PCDHA2: variants seen among roughly 807,000 people sequenced by gnomAD.
The protein encoded by PCDHA2 is protocadherin alpha 2.
Under a neutral mutation model 66.0 loss-of-function variants are expected in PCDHA2, and 58 were observed. The observed-to-expected ratio is 0.88, with a 90% CI of 0.71 to 1.09. The LOEUF is 1.09. PCDHA2 is among the 50% of genes least tolerant of loss of function. PCDHA2 has a pLI of 0.00. For missense variants in PCDHA2, 1,267 were observed against 1,242.3 expected (o/e 1.02, Z -0.30); for synonymous variants, 634 against 554.0 (o/e 1.14, Z -2.03).
At chr5:140,870,578 C>A in intron 1 of PCDHA2, 1 of 1,613,882 alleles carries the variant, frequency 6.2e-7, no homozygotes. Flanking sequence ...GTGTCCTACT[C>A]GCTGGTGGAG....
chr5:140,900,817 A>G (rs2068314504), intron 1 of PCDHA2, among the ~76,000 whole-genome samples: 1 of 152,154 alleles, frequency 6.6e-6, no homozygotes, highest in Non-Finnish European at 1.5e-5. Context: ...ACTAATTTAC[A>G]TTCCCACCAA....
rs955217729 is a variant in PCDHA2 at position 140,843,931 on chromosome 5, A to T, written c.2388+46579A>T. The T allele has an allele frequency of 6.9e-6, 4 of 582,802 alleles. 1 individual carries two copies. Among genetic ancestry groups the T allele is most frequent in the Non-Finnish European group, 1.2e-5 (4 of 332,650 alleles). The allele number at this position is 582,802 out of a possible 1,614,324, so 36.1% of individuals were successfully genotyped here. Reference sequence around the variant, plus strand: ...TTGGGTCTATCTTGAAACTCAAGTTATGGTTGGATGATATCCATTTTTTAC... The same window carrying T: ...TTGGGTCTATCTTGAAACTCAAGTTTTGGTTGGATGATATCCATTTTTTAC... On this transcript the variant is annotated intron_variant, in intron 1 of 3. Coordinates refer to ENST00000526136, the MANE Select transcript of PCDHA2 (RefSeq NM_018905.3).
intron 1 of PCDHA2, chr5:140,860,787 G>A (rs1038488180): frequency 5.9e-5 from 9 of 152,154 alleles, no homozygotes; most frequent in African/African-American, 2.2e-4. Flanking sequence ...GCCCAGGCTG[G>A]AGTGCAGTGG....
intron 1 of PCDHA2, chr5:140,882,264 G>C: frequency 6.2e-7 from 1 of 1,609,300 alleles, no homozygotes; most frequent in Non-Finnish European, 8.5e-7. Context: ...TTTTTGGAGT[G>C]TACCATGCTG....
rs782344407 is a variant in PCDHA2 at position 140,928,808 on chromosome 5, G to T, written c.2389-50141G>T. 3.7e-6 allele frequency: 6 copies of T among 1,614,062 alleles called. No homozygotes were observed. In the Admixed American group the frequency reaches 1.0e-4, roughly 27 times the overall value. The stretch of plus-strand genomic sequence containing the variant: ...AAGCAGAGGGTGGTGGTAGTGGTTC[G>T]GGACCATGGAGACCCACCACTTTCC... On this transcript the variant is annotated intron_variant, in intron 1 of 3. Coordinates refer to ENST00000526136, the MANE Select transcript of PCDHA2 (RefSeq NM_018905.3).
At chr5:140,971,895 T>C (rs1554233682) in intron 1 of PCDHA2, among the ~76,000 whole-genome samples, 2 of 151,872 alleles carry the variant, frequency 1.3e-5, no homozygotes, top group Non-Finnish European at 2.9e-5. Context: ...TCAGGGAGGT[T>C]AGGTAATCTA....
intron 1 of PCDHA2, chr5:140,849,989 G>A: frequency 2.5e-6 from 4 of 1,597,330 alleles, no homozygotes; most frequent in Non-Finnish European, 3.4e-6. Flanking sequence ...TGGAGCGGCG[G>A]TTGGGCGAGC....
chr5:140,804,849 T>G, intron 1 of PCDHA2: 1 of 488,352 alleles, frequency 2.0e-6, no homozygotes, highest in Non-Finnish European at 3.5e-6. Flanking sequence ...GTGTGGGAGG[T>G]CTAACACGTA....
chr5:140,920,804 A>G (rs2079833395), intron 1 of PCDHA2, among the ~76,000 whole-genome samples: 1 of 151,364 alleles, frequency 6.6e-6, no homozygotes, highest in South Asian at 2.1e-4. Context: ...AGATCACGCC[A>G]CTGCACTCCA....
chr5:140,798,844 C>T (rs1452217854), intron 1 of PCDHA2, among the ~76,000 whole-genome samples: 1 of 152,178 alleles, frequency 6.6e-6, no homozygotes, highest in Admixed American at 6.5e-5. Context: ...AATAAAATAA[C>T]TGTCTTAAAC....
At chr5:140,862,288 G>A in intron 1 of PCDHA2, 1 of 264,980 alleles carries the variant, frequency 3.8e-6, no homozygotes, top group East Asian at 9.0e-5. Context: ...CTGTACAGGA[G>A]GACGCTCCAC....
chr5:140,807,723 C>G (rs369564705), intron 1 of PCDHA2: 145 of 1,614,074 alleles, frequency 9.0e-5, no homozygotes, highest in Admixed American at 1.2e-4. Flanking sequence ...GAATACTTTT[C>G]TCTGGAAAAA....
rs368334312 is a variant in PCDHA2 at position 140,876,999 on chromosome 5, G to A, written c.2388+79647G>A. The A allele has an allele frequency of 1.6e-5, 26 of 1,612,428 alleles. No homozygotes were observed. In the African/African-American group the frequency reaches 3.1e-4, roughly 19 times the overall value. ...AGCACGCACTGTCGAGCTACGTGTC[G>A]GTGCACGCGGAGAGCGGCAAGGTGT... On this transcript the variant is annotated intron_variant, in intron 1 of 3. Coordinates refer to ENST00000526136, the MANE Select transcript of PCDHA2 (RefSeq NM_018905.3).
At chr5:140,811,381 G>A (rs1581713992) in intron 1 of PCDHA2, 1 of 152,178 alleles carries the variant, frequency 6.6e-6, no homozygotes, top group East Asian at 1.9e-4. Context: ...GTGTATATGT[G>A]TCACATTTTC....
intron 1 of PCDHA2, chr5:140,853,127 C>A: frequency 1.7e-6 from 1 of 580,840 alleles, no homozygotes; most frequent in Non-Finnish European, 2.2e-6. Context: ...GATCCTCCCG[C>A]CTCAGCCTCC....
intron 1 of PCDHA2, chr5:140,875,653 C>T (rs1554167829): frequency 1.2e-6 from 2 of 1,613,682 alleles, no homozygotes; most frequent in East Asian, 2.2e-5. Context: ...GGAGCTGGTG[C>T]CGCGCCTGTT....
intron 1 of PCDHA2, among the ~76,000 whole-genome samples, chr5:140,947,645 A>AT (rs2094157342): frequency 6.6e-6 from 1 of 151,670 alleles, no homozygotes; most frequent in East Asian, 1.9e-4. Context: ...GTATGAACAT[A>AT]TATACCTCCA....
At chr5:140,876,798 CG>C (rs1562719394) in intron 1 of PCDHA2, 1 of 1,614,180 alleles carries the variant, frequency 6.2e-7, no homozygotes, top group East Asian at 2.2e-5. Flanking sequence ...CTAGAGTGTC[CG>C]TGGAGGTGGC....
At chr5:140,803,625 C>A (rs782061277) in intron 1 of PCDHA2, 2 of 1,613,858 alleles carry the variant, frequency 1.2e-6, no homozygotes, top group Non-Finnish European at 1.7e-6. Context: ...TCCAAAATGT[C>A]TTTGTTTTTC....
Sources: allele counts gnomAD v4.1 joint callset (sites outside exome capture counted in the v4.1 genomes callset), GRCh38; gene constraint gnomAD v4.1.1; transcripts MANE v1.5; gene names NCBI Gene and HGNC (gene_info 2026-07-23, HGNC 2026-07-21).